BCL2L11: variants seen among roughly 807,000 people sequenced by gnomAD.
BCL2L11 encodes bcl-2-like protein 11.
BCL2L11 carries 15 observed loss-of-function variants against 20.6 expected under a neutral mutation model. The ratio of observed to expected loss-of-function variants is 0.73; its 90% CI spans 0.49 to 1.12. BCL2L11 has a LOEUF of 1.12. Among genes scored for constraint, BCL2L11 ranks in the 50% most tolerant of loss-of-function variants. BCL2L11 has a pLI of 0.00. For missense variants in BCL2L11, 292 were observed against 260.9 expected, an observed-to-expected ratio of 1.12 and a Z score of -0.82; for synonymous variants, 108 against 92.8, an observed-to-expected ratio of 1.16 and a Z score of -0.94.
chr2:111,152,394 G>A (rs374414216), intron 3 of BCL2L11, among the ~76,000 whole-genome samples: 14 of 152,342 alleles, frequency 9.2e-5, no homozygotes, highest in Admixed American at 2.6e-4. Flanking sequence ...CATTCTCAAG[G>A]ATTCTGTTAG....
At chr2:111,161,603 A>G (rs753749113) in intron 3 of BCL2L11, 6 of 1,497,978 alleles carry the variant, frequency 4.0e-6, no homozygotes, top group South Asian at 1.3e-5. Flanking sequence ...TCACACTGCA[A>G]ATGACAGCTC....
At chr2:111,123,021 A>C (rs1482274272) in intron 1 of BCL2L11, 1 of 983,070 alleles carries the variant, frequency 1.0e-6, no homozygotes, top group Non-Finnish European at 1.2e-6. Context: ...CTAGTTGTAG[A>C]CCTTGCAGGC....
chr2:111,121,022 A>T lies in BCL2L11; in HGVS notation c.-180A>T, dbSNP rs950953725. On this transcript the variant is annotated 5_prime_UTR_variant, in exon 1 of 4. Transcript: ENST00000393256. ...CGCCGCCGCCGCCGCCGCCGCCGCCACTACCACCACTTGATTCTTGCAGCC... is the reference window on the plus strand; with the variant it reads ...CGCCGCCGCCGCCGCCGCCGCCGCCTCTACCACCACTTGATTCTTGCAGCC... The T allele has an allele frequency of 5.4e-6, 2 of 368,800 alleles. No individual in the cohort carries two copies. Among genetic ancestry groups the T allele is most frequent in the Non-Finnish European group, 9.6e-6 (2 of 209,138 alleles). The allele number at this position is 368,800 out of a possible 1,614,324, so 22.8% of individuals were successfully genotyped here.
chr2:111,130,723 TATG>T (rs1416489398), intron 2 of BCL2L11, among the ~76,000 whole-genome samples: 1 of 152,216 alleles, frequency 6.6e-6, no homozygotes, highest in Non-Finnish European at 1.5e-5. Flanking sequence ...AATCATTAAA[TATG>T]ATGCTAAGTG....
rs1039299406 is a variant in BCL2L11, at chr2:111,147,390, A to ACACACACACC, written c.395-2653_395-2652insACACACACCC. The stretch of plus-strand genomic sequence containing the variant: ...CACACACACACACACACACACACAC[A>ACACACACACC]CCCGCCATTTCTCCCTGCCAGAGCT... On this transcript the variant is annotated intron_variant, in intron 2 of 3. Coordinates refer to ENST00000393256, the MANE Select transcript of BCL2L11 (RefSeq NM_138621.5). Among the ~76,000 whole-genome samples the ACACACACACC allele has an allele frequency of 8.3e-4, 115 of 138,346 alleles. 2 individuals are homozygous for ACACACACACC. The East Asian group carries it at 0.021, about 26-fold the overall frequency. The allele number at this position is 138,346 out of a possible 152,430, so 90.8% of individuals were successfully genotyped here. A position where few individuals can be genotyped will look rare whatever the true frequency, so the allele number is the denominator to read the frequency against.
chr2:111,146,218 G>A, intron 2 of BCL2L11: 1 of 984,422 alleles, frequency 1.0e-6, no homozygotes, highest in Non-Finnish European at 1.2e-6. Flanking sequence ...ACATAAAATT[G>A]CCAAGTTAAA....
chr2:111,122,357 C>G (rs1007239500), intron 1 of BCL2L11, among the ~76,000 whole-genome samples: 1 of 152,178 alleles, frequency 6.6e-6, no homozygotes, highest in Non-Finnish European at 1.5e-5. Context: ...CCGGAAGGAG[C>G]ACAGGGATGG....
At chr2:111,138,209 A>G (rs1464276977) in intron 2 of BCL2L11, among the ~76,000 whole-genome samples, 1 of 151,852 alleles carries the variant, frequency 6.6e-6, no homozygotes, top group Non-Finnish European at 1.5e-5. Context: ...GGGTTTCACT[A>G]TGTTGGCCAG....
chr2:111,124,216 A>G (rs2150147773), intron 2 of BCL2L11, 77 bp downstream of exon 2: 4 of 1,444,336 alleles, frequency 2.8e-6, no homozygotes, highest in Non-Finnish European at 3.7e-6. Context: ...GGCATTTAAA[A>G]TCCCCTTTTA....
At chr2:111,132,911 C>T (rs796230930) in intron 2 of BCL2L11, among the ~76,000 whole-genome samples, 2 of 152,156 alleles carry the variant, frequency 1.3e-5, no homozygotes, top group South Asian at 2.1e-4. Flanking sequence ...TCTGAAAATA[C>T]GCTATTCAGT....
At chr2:111,156,073 G>C (rs2077808041) in intron 3 of BCL2L11, among the ~76,000 whole-genome samples, 1 of 152,188 alleles carries the variant, frequency 6.6e-6, no homozygotes, top group Non-Finnish European at 1.5e-5. Flanking sequence ...TTTATAAATG[G>C]TAGTCACTCT....
At chr2:111,129,552 A>G (rs979922335) in intron 2 of BCL2L11, among the ~76,000 whole-genome samples, 2 of 152,240 alleles carry the variant, frequency 1.3e-5, no homozygotes, top group Admixed American at 6.5e-5. Flanking sequence ...TTGCCTAATT[A>G]TAGTATACTG....
chr2:111,147,646 C>T (rs1207606142), intron 2 of BCL2L11, among the ~76,000 whole-genome samples: 1 of 152,206 alleles, frequency 6.6e-6, no homozygotes. Context: ...TGGCTTCTGA[C>T]AGAGACTGCC....
At chr2:111,134,212 C>G (rs189136982) in intron 2 of BCL2L11, among the ~76,000 whole-genome samples, 2 of 151,586 alleles carry the variant, frequency 1.3e-5, no homozygotes, top group East Asian at 3.9e-4. Flanking sequence ...TTTTTTGTTT[C>G]CTCTGTTCCT....
At chr2:111,161,040 CCT>C (rs1297129353) in intron 3 of BCL2L11, among the ~76,000 whole-genome samples, 10 of 152,156 alleles carry the variant, frequency 6.6e-5, no homozygotes, top group African/African-American at 2.2e-4. Flanking sequence ...GCTGTCATCC[CCT>C]GTGTCTTCAC....
At chr2:111,151,838 C>T in intron 3 of BCL2L11, 23 of 1,549,108 alleles carry the variant, frequency 1.5e-5, no homozygotes, top group Non-Finnish European at 1.9e-5. Context: ...AAACTCCTGG[C>T]ATCCTCCACC....
intron 2 of BCL2L11, chr2:111,146,294 A>C: frequency 1.1e-6 from 1 of 927,178 alleles, no homozygotes; most frequent in Non-Finnish European, 1.3e-6. Flanking sequence ...ACCAGGTATC[A>C]ACATTTACGG....
intron 1 of BCL2L11, chr2:111,122,563 C>G: frequency 2.1e-6 from 2 of 973,148 alleles, no homozygotes; most frequent in Non-Finnish European, 2.4e-6. Context: ...CAATTGGGAA[C>G]GCGGGCACCC....
intron 3 of BCL2L11, among the ~76,000 whole-genome samples, chr2:111,158,244 G>A (rs2078122882): frequency 6.6e-6 from 1 of 152,200 alleles, no homozygotes; most frequent in Non-Finnish European, 1.5e-5. Context: ...TTAAAATGCT[G>A]TTTAGACTGC....
Sources: allele counts gnomAD v4.1 joint callset (sites outside exome capture counted in the v4.1 genomes callset), GRCh38; gene constraint gnomAD v4.1.1; transcripts MANE v1.5; gene names NCBI Gene and HGNC (gene_info 2026-07-23, HGNC 2026-07-21).